LRRC14: variants seen among roughly 807,000 people sequenced by gnomAD.
The protein encoded by LRRC14 is leucine rich repeat containing 14, also known as leucine-rich repeat-containing protein 14.
LRRC14 carries 16 observed loss-of-function variants against 25.3 expected under a neutral mutation model. The observed-to-expected ratio is 0.63, with a 90% CI of 0.43 to 0.96. LRRC14 has a LOEUF of 0.96. Ranked by LOEUF, LRRC14 falls within the 40% of genes least tolerant of loss-of-function variation. LRRC14 has a pLI of 0.00. For synonymous variants in LRRC14, 359 were observed against 295.1 expected (o/e 1.22, Z -2.22); for missense variants, 594 against 660.5 (o/e 0.90, Z 1.10).
Position 144,524,164 on chromosome 8 carries a change from TG to T in LRRC14, c.*2688del. 1.9e-6 allele frequency: 3 copies of T among 1,610,332 alleles called. No individual in the cohort carries two copies. The highest frequency in any genetic ancestry group is 2.5e-6 in the Non-Finnish European group (3 of 1,178,148). ...AGGGGCTGCAGGGCCTCTCGGCTGA[TG>T]GTGCCCAGCTGGTTCCTGCTGAGGT... On this transcript the variant is annotated 3_prime_UTR_variant, in exon 4 of 4. Coordinates refer to ENST00000292524, the MANE Select transcript of LRRC14 (RefSeq NM_014665.4).
chr8:144,520,153 GGC>G (rs1194845388), intron 2 of LRRC14, 83 bp from the exon 3 acceptor site: 93 of 1,563,382 alleles, frequency 5.9e-5, no homozygotes, highest in Non-Finnish European at 7.9e-5. Flanking sequence ...TGCAGGAGCA[GGC>G]GCGTTGCTCC....
rs751752457 is a variant in LRRC14, at chr8:144,524,324, G to C, written c.*2846G>C. On this transcript the variant is annotated 3_prime_UTR_variant, in exon 4 of 4. Coordinates refer to ENST00000292524, the MANE Select transcript of LRRC14 (RefSeq NM_014665.4). Reference sequence around the variant, plus strand: ...CGTGAGGAAAAAGGGCGCCGAGGTTGGGGGCATGTCTCTCTTCTTACCAAG... The same window carrying C: ...CGTGAGGAAAAAGGGCGCCGAGGTTCGGGGCATGTCTCTCTTCTTACCAAG... The C allele has an allele frequency of 1.9e-6, 3 of 1,602,730 alleles. No individual in the cohort carries two copies. Among genetic ancestry groups the C allele is most frequent in the Non-Finnish European group, 2.5e-6 (3 of 1,179,284 alleles).
chr8:144,525,110 C>T lies in LRRC14; in HGVS notation c.*3632C>T, dbSNP rs1164249973. 2 of 1,002,114 alleles carry T rather than the reference C, an allele frequency of 2.0e-6. No homozygotes were observed. Among genetic ancestry groups the T allele is most frequent in the East Asian group, 3.1e-5 (1 of 31,746 alleles). 62.1% of individuals were successfully genotyped at this position (1,002,114 alleles called of 1,614,324 possible). A position where few individuals can be genotyped will look rare whatever the true frequency, so the allele number is the denominator to read the frequency against. On this transcript the variant is annotated 3_prime_UTR_variant, in exon 4 of 4. Transcript: ENST00000292524. ...ATGGAATGGAGGCCTGCACCTGCGT[C>T]TAACTTTTGACGCTATAAATAGGTT...
rs1027317216 is a variant in LRRC14, at chr8:144,522,352, T to A, written c.*874T>A. On this transcript the variant is annotated 3_prime_UTR_variant, in exon 4 of 4. Coordinates refer to ENST00000292524, the MANE Select transcript of LRRC14 (RefSeq NM_014665.4). ...ACCCCAGGATTCCCGAGTGCAACGT[T>A]CCCGGCTCGCGCCCCACACACGGCT... 7.6e-7 allele frequency: 1 copy of A among 1,313,972 alleles called. No homozygotes were observed. The allele number at this position is 1,313,972 out of a possible 1,614,324, so 81.4% of individuals were successfully genotyped here.
In LRRC14 at chr8:144,524,747, T is replaced by G. The variant is rs1237075290; in HGVS notation, c.*3269T>G. On this transcript the variant is annotated 3_prime_UTR_variant, in exon 4 of 4. Transcript: ENST00000292524. ...GCAGGCCGGGGAAAGAGGAGGCGCT[T>G]ACCCCGTTGCGGGGGTCTTCCTCTC... 5.6e-6 allele frequency: 8 copies of G among 1,439,850 alleles called. No homozygotes were observed. In the African/African-American group the frequency reaches 1.2e-4, roughly 21 times the overall value. 89.2% of individuals were successfully genotyped at this position (1,439,850 alleles called of 1,614,324 possible).
At position 144,523,168 on chromosome 8, in the gene LRRC14, G is replaced by A. The variant is rs1406554563; in HGVS notation, c.*1690G>A. 2 of 1,610,414 alleles carry A rather than the reference G, an allele frequency of 1.2e-6. No homozygotes were observed. The highest frequency in any genetic ancestry group is 1.7e-5 in the Admixed American group (1 of 59,690). On this transcript the variant is annotated 3_prime_UTR_variant, in exon 4 of 4. Transcript: ENST00000292524. The stretch of plus-strand genomic sequence containing the variant: ...TCACCAATGGCTGCGGGTAGCCGGA[G>A]GCTTGGCAGGCAACCCGCAGGTCCT...
Position 144,521,262 on chromosome 8 carries a change from G to A in LRRC14, c.1266G>A (p.Glu422=). ...ELLRDSVAQA[E]LRTVVHPFPV... ...TGCGGGACTCAGTGGCACAGGCTGAGCTGCGTACTGTGGTGCACCCCTTCC... is the reference window on the plus strand; with the variant it reads ...TGCGGGACTCAGTGGCACAGGCTGAACTGCGTACTGTGGTGCACCCCTTCC... The change falls in exon 4 of 4, where the codon GAG becomes GAA. Residue 422 remains glutamate (E), a synonymous_variant. Coordinates refer to ENST00000292524, the MANE Select transcript of LRRC14 (RefSeq NM_014665.4). 1.9e-6 allele frequency: 3 copies of A among 1,613,184 alleles called. No individual in the cohort carries two copies. Among genetic ancestry groups the A allele is most frequent in the Non-Finnish European group, 8.5e-7 (1 of 1,180,030 alleles).
At chr8:144,520,104 C>T (rs777052752) in intron 2 of LRRC14, 50 bp downstream of exon 2, 31 of 1,577,774 alleles carry the variant, frequency 2.0e-5, no homozygotes, top group Non-Finnish European at 2.3e-5. Context: ...TAAGTGGGTC[C>T]CCTGAGGAGG....
Position 144,520,323 on chromosome 8 carries a change from T to C in LRRC14, c.415T>C (p.Cys139Arg), listed in dbSNP as rs754789815. ...TCCTGGCACCATGAGCATGTGGGAC[T>C]GTACTGCTGCCGTAGCTCGCACATG... ...QDPGTMSMWD[C>R]TAAVARTCIA... The change falls in exon 3 of 4, where the codon TGT becomes CGT. Residue 139 changes from cysteine (C) to arginine (R), a missense_variant. Cys to Arg is a radical substitution (Grantham distance 180). Coordinates refer to ENST00000292524, the MANE Select transcript of LRRC14 (RefSeq NM_014665.4). 6.2e-6 allele frequency: 10 copies of C among 1,612,366 alleles called. No individual in the cohort carries two copies. In the Admixed American group the frequency reaches 8.3e-5, roughly 13 times the overall value.
chr8:144,521,334 CCTG>C lies in LRRC14; in HGVS notation c.1342_1344del (p.Leu448del). 1 of 1,613,096 alleles carries C rather than the reference CCTG, an allele frequency of 6.2e-7. No homozygotes were observed. Among genetic ancestry groups the C allele is most frequent in the South Asian group, 1.1e-5 (1 of 91,086 alleles). On this transcript the variant is annotated inframe_deletion, in exon 4 of 4. Coordinates refer to ENST00000292524, the MANE Select transcript of LRRC14 (RefSeq NM_014665.4). ...TGCCCTGGCCGCCGCCTGCCTCTGT[CCTG>C]CTGGAGGCCTCCATCAATGAGGAGA...
chr8:144,522,715 C>A lies in LRRC14; in HGVS notation c.*1237C>A. ...CTCCCTCCCCCGGAGGCCCCCGCGCCTTTTTTCGCCTGCGGCGCCGGCGAC... is the reference window on the plus strand; with the variant it reads ...CTCCCTCCCCCGGAGGCCCCCGCGCATTTTTTCGCCTGCGGCGCCGGCGAC... On this transcript the variant is annotated 3_prime_UTR_variant, in exon 4 of 4. Coordinates refer to ENST00000292524, the MANE Select transcript of LRRC14 (RefSeq NM_014665.4). The A allele has an allele frequency of 6.3e-7, 1 of 1,595,670 alleles. No individual in the cohort carries two copies. The highest frequency in any genetic ancestry group is 2.3e-5 in the East Asian group (1 of 43,552).
In LRRC14 at chr8:144,524,683, C is replaced by T. The variant is rs1172246919; in HGVS notation, c.*3205C>T. The T allele has an allele frequency of 8.8e-6, 13 of 1,474,110 alleles. No homozygotes were observed. The highest frequency in any genetic ancestry group is 1.2e-5 in the Non-Finnish European group (13 of 1,123,506). 91.3% of individuals were successfully genotyped at this position (1,474,110 alleles called of 1,614,324 possible). On this transcript the variant is annotated 3_prime_UTR_variant, in exon 4 of 4. Coordinates refer to ENST00000292524, the MANE Select transcript of LRRC14 (RefSeq NM_014665.4). ...GCGAGTGGCGCCAGGGCTCCCGGCT[C>T]TAGGCGGGCGATGTTGTTGTCCTGC... is the stretch of plus-strand genomic sequence containing the variant.
intron 1 of LRRC14, chr8:144,519,376 G>GT: frequency 2.6e-6 from 1 of 387,008 alleles, no homozygotes; most frequent in South Asian, 3.2e-5. Context: ...GAGGCCTGAA[G>GT]TACCCATGGG....
chr8:144,522,407 CTGACGG>C lies in LRRC14; in HGVS notation c.*930_*935del. 1.5e-6 allele frequency: 2 copies of C among 1,369,936 alleles called. No homozygotes were observed. Among genetic ancestry groups the C allele is most frequent in the East Asian group, 3.1e-5 (1 of 32,720 alleles). The allele number at this position is 1,369,936 out of a possible 1,614,324, so 84.9% of individuals were successfully genotyped here. On this transcript the variant is annotated 3_prime_UTR_variant, in exon 4 of 4. Coordinates refer to ENST00000292524, the MANE Select transcript of LRRC14 (RefSeq NM_014665.4). ...GCACACTGCGCGGCTTCCACCTTTA[CTGACGG>C]AGCATGCGCGAGGCCGCACCGGCCA...
In LRRC14 at chr8:144,522,988, G is replaced by T; in HGVS notation, c.*1510G>T. 1 of 1,595,444 alleles carries T rather than the reference G, an allele frequency of 6.3e-7. No individual in the cohort carries two copies. ...CGCCGGCGTTGGAGGCCTCGCACTC[G>T]TACTTACCGGCGTGCGCCAGCGTGA... is the stretch of plus-strand genomic sequence containing the variant. On this transcript the variant is annotated 3_prime_UTR_variant, in exon 4 of 4. Coordinates refer to ENST00000292524, the MANE Select transcript of LRRC14 (RefSeq NM_014665.4).
Position 144,523,793 on chromosome 8 carries a change from G to A in LRRC14, c.*2315G>A, listed in dbSNP as rs1816231732. On this transcript the variant is annotated 3_prime_UTR_variant, in exon 4 of 4. Coordinates refer to ENST00000292524, the MANE Select transcript of LRRC14 (RefSeq NM_014665.4). Reference sequence around the variant, plus strand: ...CTTGCCTTTGGATGCCCTCTCTTGGGAATGTCCCCAGTCCTGGTCAGCTGT... The same window carrying A: ...CTTGCCTTTGGATGCCCTCTCTTGGAAATGTCCCCAGTCCTGGTCAGCTGT... The A allele has an allele frequency of 2.6e-5, 11 of 423,330 alleles. No homozygotes were observed. In the East Asian group the frequency reaches 4.3e-4, roughly 16 times the overall value. 26.2% of individuals were successfully genotyped at this position (423,330 alleles called of 1,614,324 possible).
Position 144,519,312 on chromosome 8 carries a change from C to T in LRRC14, c.-111-303C>T. 3 of 274,720 alleles carry T rather than the reference C, an allele frequency of 1.1e-5. No homozygotes were observed. The South Asian group carries it at 1.3e-4, about 12-fold the overall frequency. The allele number at this position is 274,720 out of a possible 1,614,324, so 17.0% of individuals were successfully genotyped here. ...CTGATGAAGGTTGGTGGGGAGAGTC[C>T]TGGGCTTTATTCAGGTTTCGAAGAA... On this transcript the variant is annotated intron_variant, in intron 1 of 3. Transcript: ENST00000292524.
At chr8:144,520,155 C>T (rs1049520934) in intron 2 of LRRC14, 83 bp from the exon 3 acceptor site, 89 of 1,558,386 alleles carry the variant, frequency 5.7e-5, no homozygotes, top group Admixed American at 1.5e-4. Flanking sequence ...CAGGAGCAGG[C>T]GCGTTGCTCC....
Position 144,524,880 on chromosome 8 carries a change from G to C in LRRC14, c.*3402G>C, listed in dbSNP as rs1256969873. The C allele has an allele frequency of 8.6e-6, 13 of 1,513,196 alleles. No homozygotes were observed. The highest frequency in any genetic ancestry group is 1.1e-5 in the Non-Finnish European group (13 of 1,132,346). The allele number at this position is 1,513,196 out of a possible 1,614,324, so 93.7% of individuals were successfully genotyped here. A position where few individuals can be genotyped will look rare whatever the true frequency, so the allele number is the denominator to read the frequency against. On this transcript the variant is annotated 3_prime_UTR_variant, in exon 4 of 4. Transcript: ENST00000292524. ...CCGCAGGGCGCCACACTCCACCGTG[G>C]CGCTGTAGCAGCGGCAGGCTGCTGG...
Sources: allele counts gnomAD v4.1 joint callset, GRCh38; gene constraint gnomAD v4.1.1; transcripts MANE v1.5; gene names NCBI Gene and HGNC (gene_info 2026-07-23, HGNC 2026-07-21).